Variants in MICAL2 observed in about 807,000 individuals in gnomAD.
MICAL2 encodes the protein [F-actin]-monooxygenase MICAL2.
Under a neutral mutation model 127.3 loss-of-function variants are expected in MICAL2, and 77 were observed. That is an observed-to-expected ratio of 0.60 (90% CI 0.50 to 0.73). The LOEUF (loss-of-function observed/expected upper bound fraction) is 0.73. Ranked by LOEUF, MICAL2 falls within the 30% of genes least tolerant of loss-of-function variation. MICAL2 has a pLI of 0.00. For missense variants in MICAL2, 1,351 were observed against 1,434.4 expected (o/e 0.94, Z 0.94); for synonymous variants, 570 against 551.1 (o/e 1.03, Z -0.48).
chr11:12,259,683 G>T, intron 25 of MICAL2, 112 bp from the exon 26 acceptor site: 1 of 956,038 alleles, frequency 1.0e-6, no homozygotes, highest in Non-Finnish European at 1.5e-6. Context: ...AGATTATTGT[G>T]GGGGCTGGTT....
chr11:12,131,672 T>C (rs1194808410), intron 1 of MICAL2, among the ~76,000 whole-genome samples: 1 of 152,150 alleles, frequency 6.6e-6, no homozygotes, highest in African/African-American at 2.4e-5. Flanking sequence ...CCTCTCTGCT[T>C]CCTGAAGGGA....
chr11:12,343,536 C>A (rs1938904152), intron 32 of MICAL2, among the ~76,000 whole-genome samples: 1 of 151,736 alleles, frequency 6.6e-6, no homozygotes. Flanking sequence ...TGTGGCAGCA[C>A]AGGGAACTCT....
intron 32 of MICAL2, among the ~76,000 whole-genome samples, chr11:12,331,019 G>C (rs927412908): frequency 6.6e-6 from 1 of 151,994 alleles, no homozygotes; most frequent in Admixed American, 6.6e-5. Context: ...GAAGGACCAG[G>C]ATATGCAGTA....
In MICAL2 at chr11:12,260,769, A is replaced by G. The variant is rs1863007538; in HGVS notation, c.3334+872A>G. Reference sequence around the variant, plus strand: ...ACGGAGCAGTGTGTGGTTGGCTGTTATCTGTCCCCCTGGGAGGAGGACTGT... The same window carrying G: ...ACGGAGCAGTGTGTGGTTGGCTGTTGTCTGTCCCCCTGGGAGGAGGACTGT... On this transcript the variant is annotated intron_variant, in intron 26 of 27. Coordinates refer to ENST00000683283, the MANE Select transcript of MICAL2 (RefSeq NM_001282663.2). The G allele has an allele frequency of 6.1e-6, 6 of 985,360 alleles. No homozygotes were observed. In the South Asian group the frequency reaches 1.9e-4, roughly 31 times the overall value. 61.0% of individuals were successfully genotyped at this position (985,360 alleles called of 1,614,324 possible).
chr11:12,291,807 C>G (rs184789121), downstream of MICAL2, among the ~76,000 whole-genome samples: 2 of 152,322 alleles, frequency 1.3e-5, no homozygotes, highest in East Asian at 3.9e-4. Context: ...CTCCCAACCA[C>G]AATGGTTTTA....
Position 12,226,420 on chromosome 11 carries a change from C to T in MICAL2, c.1888+50C>T, listed in dbSNP as rs1361033148. On this transcript the variant is annotated intron_variant, in intron 14 of 27. Transcript: ENST00000683283. The stretch of plus-strand genomic sequence containing the variant: ...CTTAGCCCCTTGAGCCAACTCTGTC[C>T]CTGTCTCTGAGTCTGGCTGCTCCTA... 11 of 1,568,868 alleles carry T rather than the reference C, an allele frequency of 7.0e-6. No individual in the cohort carries two copies. The East Asian group carries it at 1.1e-4, about 16-fold the overall frequency.
upstream of MICAL2, among the ~76,000 whole-genome samples, chr11:12,274,095 A>G (rs1863700412): frequency 1.3e-5 from 2 of 152,180 alleles, no homozygotes; most frequent in Admixed American, 1.3e-4. Flanking sequence ...ATATTTAAAT[A>G]TAGACAGGAA....
intron 1 of MICAL2, among the ~76,000 whole-genome samples, chr11:12,122,769 A>C (rs184090560): frequency 5.9e-5 from 9 of 152,304 alleles, no homozygotes; most frequent in East Asian, 5.8e-4. Context: ...TGCAGTGAAG[A>C]ACGATGGGCC....
At chr11:12,271,701 A>C (rs149639723), upstream of MICAL2, among the ~76,000 whole-genome samples, 76 of 152,292 alleles carry the variant, frequency 5.0e-4, no homozygotes, top group African/African-American at 1.8e-3. Context: ...TACTACTGTT[A>C]TACGCACACA....
intron 13 of MICAL2, chr11:12,225,908 C>A: frequency 2.0e-6 from 1 of 501,298 alleles, no homozygotes; most frequent in South Asian, 2.8e-5. Context: ...TAAATGTTCC[C>A]AAGAGGTTTA....
chr11:12,258,642 C>G, intron 25 of MICAL2, 86 bp downstream of exon 25: 1 of 1,276,226 alleles, frequency 7.8e-7, no homozygotes, highest in Non-Finnish European at 1.1e-6. Flanking sequence ...GCCAGCTTTG[C>G]TGGCCCTAGA....
chr11:12,200,621 G>T (rs1860583873), intron 3 of MICAL2, among the ~76,000 whole-genome samples: 1 of 152,200 alleles, frequency 6.6e-6, no homozygotes, highest in East Asian at 1.9e-4. Context: ...ATATAATTAG[G>T]CCCGTTGGTA....
Position 12,226,194 on chromosome 11 carries a change from A to T in MICAL2, c.1712A>T (p.Asp571Val). 1 of 1,614,228 alleles carries T rather than the reference A, an allele frequency of 6.2e-7. No individual in the cohort carries two copies. Among genetic ancestry groups the T allele is most frequent in the Non-Finnish European group, 8.5e-7 (1 of 1,180,042 alleles). Residue 571 changes from aspartate to valine, a missense_variant, in exon 14 of 28, where the codon GAT becomes GTT. Transcript: ENST00000683283. ...ELINFDSLNE[D>V]DAVENNQLAF... ...AGCAACTTTGACTCTTTGAATGAAG[A>T]TGATGCTGTGGAGAACAACCAGCTC...
intron 8 of MICAL2, among the ~76,000 whole-genome samples, chr11:12,217,660 ACCGT>A (rs1856352351): frequency 6.6e-6 from 1 of 152,056 alleles, no homozygotes; most frequent in Non-Finnish European, 1.5e-5. Flanking sequence ...TTTGCAGAGC[ACCGT>A]GGCCTCCTGG....
intron 9 of MICAL2, 96 bp downstream of exon 9, chr11:12,220,554 G>A (rs1444300269): frequency 1.3e-6 from 2 of 1,485,256 alleles, no homozygotes; most frequent in South Asian, 1.3e-5. Context: ...AGCGGGGAGA[G>A]GACAGGCTCT....
chr11:12,299,573 G>C (rs931716433), intron 29 of MICAL2, among the ~76,000 whole-genome samples: 1 of 152,194 alleles, frequency 6.6e-6, no homozygotes, highest in African/African-American at 2.4e-5. Flanking sequence ...GTACTTGTCA[G>C]TGGTCATCTT....
intron 14 of MICAL2, 60 bp from the exon 15 acceptor site, chr11:12,226,965 T>C: frequency 1.5e-6 from 2 of 1,362,068 alleles, no homozygotes; most frequent in Non-Finnish European, 2.1e-6. Context: ...CACCTCCTTG[T>C]TATAGCCATA....
At position 12,224,698 on chromosome 11, in the gene MICAL2, C is replaced by T; in HGVS notation, c.1566C>T (p.Leu522=). 6.2e-7 allele frequency: 1 copy of T among 1,614,214 alleles called. No homozygotes were observed. The highest frequency in any genetic ancestry group is 1.1e-5 in the South Asian group (1 of 91,088). Residue 522 remains leucine (L), a synonymous_variant, in exon 13 of 28, where the codon CTC becomes CTT. Coordinates refer to ENST00000683283, the MANE Select transcript of MICAL2 (RefSeq NM_001282663.2). Reference sequence around the variant, plus strand: ...AGTCAGATATCCGGCCCAGCAAGCTCCTGACCTGGTGCCAGCAGCAGACAG... The same window carrying T: ...AGTCAGATATCCGGCCCAGCAAGCTTCTGACCTGGTGCCAGCAGCAGACAG... ...RKESDIRPSK[L]LTWCQQQTEG... is the part of the protein sequence containing the mutation.
At chr11:12,205,366 C>A (rs1235299366) in intron 4 of MICAL2, among the ~76,000 whole-genome samples, 4 of 152,190 alleles carry the variant, frequency 2.6e-5, no homozygotes, top group African/African-American at 9.7e-5. Context: ...TCCACTTATA[C>A]ATGGTTTTTT....
Sources: allele counts gnomAD v4.1 joint callset (sites outside exome capture counted in the v4.1 genomes callset), GRCh38; gene constraint gnomAD v4.1.1; transcripts MANE v1.5; gene names NCBI Gene and HGNC (gene_info 2026-07-23, HGNC 2026-07-21).